ARHGAP44: variants seen among roughly 807,000 people sequenced by gnomAD.
The protein encoded by ARHGAP44 is rho GTPase-activating protein 44.
Under a neutral mutation model 106.8 loss-of-function variants are expected in ARHGAP44, and 43 were observed. The observed-to-expected ratio is 0.40, with a 90% CI of 0.32 to 0.52. The LOEUF is 0.52. Among genes scored for constraint, ARHGAP44 ranks in the 20% least tolerant of loss-of-function variants. ARHGAP44 has a pLI of 0.48. For synonymous variants in ARHGAP44, 439 were observed against 410.3 expected (o/e 1.07, Z -0.85); for missense variants, 866 against 1,050.5 (o/e 0.82, Z 2.43).
intron 1 of ARHGAP44, among the ~76,000 whole-genome samples, chr17:12,873,143 T>C (rs989719287): frequency 8.6e-5 from 13 of 152,024 alleles, no homozygotes; most frequent in African/African-American, 1.2e-4. Flanking sequence ...GCCATTTTTT[T>C]CCCCTCCTCT....
intron 1 of ARHGAP44, among the ~76,000 whole-genome samples, chr17:12,806,851 C>T (rs1177901905): frequency 9.6e-6 from 1 of 104,640 alleles, no homozygotes; most frequent in East Asian, 3.4e-4. Flanking sequence ...TGGGCAGCAC[C>T]AGACCACCAG....
intron 6 of ARHGAP44, among the ~76,000 whole-genome samples, chr17:12,926,993 A>G (rs1347631001): frequency 6.6e-6 from 1 of 152,188 alleles, no homozygotes; most frequent in Non-Finnish European, 1.5e-5. Context: ...AAATGATTCA[A>G]CTGGGAGAGT....
chr17:12,968,634 C>T (rs2039448693), intron 16 of ARHGAP44, among the ~76,000 whole-genome samples: 1 of 152,128 alleles, frequency 6.6e-6, no homozygotes, highest in Admixed American at 6.5e-5. Context: ...CAAATTGGGT[C>T]ATCCAACTCA....
intron 1 of ARHGAP44, among the ~76,000 whole-genome samples, chr17:12,802,758 T>C (rs1214336338): frequency 3.2e-5 from 4 of 124,626 alleles, no homozygotes; most frequent in Non-Finnish European, 5.1e-5. Flanking sequence ...TATTTCTTTT[T>C]TTTTTTTTTT....
At chr17:12,800,480 CG>C (rs1785645330) in intron 1 of ARHGAP44, among the ~76,000 whole-genome samples, 1 of 152,120 alleles carries the variant, frequency 6.6e-6, no homozygotes, top group African/African-American at 2.4e-5. Flanking sequence ...GCAGTGGGCT[CG>C]GTTCCACACA....
At chr17:12,929,151 A>G (rs2038330272) in intron 7 of ARHGAP44, 105 bp downstream of exon 7, 3 of 1,094,680 alleles carry the variant, frequency 2.7e-6, no homozygotes, top group Non-Finnish European at 4.0e-6. Context: ...GTGAGGCTCT[A>G]GTTGAACTGA....
chr17:12,883,993 G>A (rs1033573621), intron 1 of ARHGAP44, among the ~76,000 whole-genome samples: 6 of 152,060 alleles, frequency 3.9e-5, no homozygotes, highest in Middle Eastern at 3.2e-3. Context: ...CAGAATTCTC[G>A]TAACTTCTTG....
chr17:12,975,525 A>C (rs200614204), intron 18 of ARHGAP44, among the ~76,000 whole-genome samples: 3 of 152,074 alleles, frequency 2.0e-5, no homozygotes, highest in Non-Finnish European at 4.4e-5. Flanking sequence ...ATGGCCGGGC[A>C]CGGTGGCTCA....
At chr17:12,931,506 A>AT (rs1162951215) in intron 7 of ARHGAP44, among the ~76,000 whole-genome samples, 1 of 148,280 alleles carries the variant, frequency 6.7e-6, no homozygotes, top group Non-Finnish European at 1.5e-5. Flanking sequence ...TTATTTATTT[A>AT]TTTTTTTTGA....
chr17:12,960,117 C>T (rs1270310985), intron 16 of ARHGAP44, among the ~76,000 whole-genome samples: 2 of 152,108 alleles, frequency 1.3e-5, no homozygotes, highest in African/African-American at 4.8e-5. Context: ...TGTTACTTCA[C>T]CTATCAGAGA....
rs2038399315 is a variant in ARHGAP44, at chr17:12,931,527, T to C, written c.582+2481T>C. Among the ~76,000 whole-genome samples the C allele has an allele frequency of 2.0e-5, 3 of 152,140 alleles. No homozygotes were observed. The South Asian group carries it at 6.2e-4, about 32-fold the overall frequency. On this transcript the variant is annotated intron_variant, in intron 7 of 20. Transcript: ENST00000379672. ...ATTTATTTTTTTTGAGACGGAGTCT[T>C]GCTCTGTCACCCAGGCTGGAGTGCA... is the stretch of plus-strand genomic sequence containing the variant.
At chr17:12,989,497 G>A (rs1222458522) in intron 20 of ARHGAP44, among the ~76,000 whole-genome samples, 1 of 152,122 alleles carries the variant, frequency 6.6e-6, no homozygotes, top group Non-Finnish European at 1.5e-5. Flanking sequence ...GGGACAGTTG[G>A]CACCAATGAC....
intron 7 of ARHGAP44, 53 bp downstream of exon 7, chr17:12,929,099 G>GA: frequency 6.6e-7 from 1 of 1,514,886 alleles, no homozygotes; most frequent in African/African-American, 1.4e-5. Context: ...AGCCCTCAGG[G>GA]ATTCCCTTTT....
At chr17:12,841,858 T>A (rs7224121) in intron 1 of ARHGAP44, among the ~76,000 whole-genome samples, 25,632 of 152,084 alleles carry the variant, frequency 0.17, 2,594 homozygotes, top group African/African-American at 0.27. Flanking sequence ...AAAGAATTTT[T>A]AAAAATTGTT....
At chr17:12,792,433 G>A (rs16946601) in intron 1 of ARHGAP44, among the ~76,000 whole-genome samples, 44,361 of 152,034 alleles carry the variant, frequency 0.29, 8,916 homozygotes, top group African/African-American at 0.57. Context: ...CTCTCAATCG[G>A]TGTTGATTGC....
At chr17:12,923,530 G>A (rs1213146293) in intron 6 of ARHGAP44, among the ~76,000 whole-genome samples, 2 of 152,146 alleles carry the variant, frequency 1.3e-5, no homozygotes, top group Non-Finnish European at 2.9e-5. Flanking sequence ...TTGGGGGATT[G>A]TTGACAGTAC....
At chr17:12,829,859 T>G (rs1047623891) in intron 1 of ARHGAP44, among the ~76,000 whole-genome samples, 2 of 152,330 alleles carry the variant, frequency 1.3e-5, no homozygotes, top group African/African-American at 4.8e-5. Context: ...TTAATTATAT[T>G]TTGTTGTTTA....
chr17:12,943,765 C>G, intron 9 of ARHGAP44, 96 bp downstream of exon 9: 1 of 1,292,342 alleles, frequency 7.7e-7, no homozygotes, highest in East Asian at 2.3e-5. Context: ...CCCTAACACT[C>G]TGCCCAACAG....
Position 12,871,285 on chromosome 17 carries a change from C to T in ARHGAP44, c.54-23655C>T, listed in dbSNP as rs575274121. On this transcript the variant is annotated intron_variant, in intron 1 of 20. Transcript: ENST00000379672. Reference sequence around the variant, plus strand: ...GGGGCCTGGTGGGAGGTGATTGGATCGTGGGGGTGGTCTCTCATGAATGGT... The same window carrying T: ...GGGGCCTGGTGGGAGGTGATTGGATTGTGGGGGTGGTCTCTCATGAATGGT... 9.9e-5 allele frequency among the ~76,000 whole-genome samples: 15 copies of T among 152,220 alleles called. No homozygotes were observed. In the South Asian group the frequency reaches 2.3e-3, roughly 23 times the overall value.
Sources: gnomAD v4.1 joint callset for allele counts (sites outside exome capture counted in the v4.1 genomes callset) on GRCh38, gnomAD v4.1.1 for gene constraint, MANE v1.5 for transcripts, NCBI Gene and HGNC (gene_info 2026-07-23, HGNC 2026-07-21) for gene names.